PTPRG: variants seen among roughly 807,000 people sequenced by gnomAD.
PTPRG encodes the protein receptor-type tyrosine-protein phosphatase gamma.
A neutral mutation model predicts 165.3 loss-of-function variants in PTPRG; 102 were observed. That is an observed-to-expected ratio of 0.62 (90% CI 0.53 to 0.73). The LOEUF (loss-of-function observed/expected upper bound fraction) is 0.73. Among genes scored for constraint, PTPRG ranks in the 30% least tolerant of loss-of-function variants. The pLI is 0.00. For missense variants in PTPRG, 1,866 were observed against 1,861.4 expected (o/e 1.00, Z -0.05); for synonymous variants, 675 against 669.5 (o/e 1.01, Z -0.13).
chr3:62,087,114 A>G (rs1174052968), intron 5 of PTPRG, among the ~76,000 whole-genome samples: 3 of 152,222 alleles, frequency 2.0e-5, no homozygotes, highest in African/African-American at 4.8e-5. Flanking sequence ...AAGTCACAGA[A>G]TGTGATTTTC....
At chr3:61,909,563 C>T (rs1575774917) in intron 2 of PTPRG, among the ~76,000 whole-genome samples, 1 of 152,098 alleles carries the variant, frequency 6.6e-6, no homozygotes, top group African/African-American at 2.4e-5. Context: ...GTTTCCTAGG[C>T]TCGTCTTGAG....
chr3:62,000,322 T>C (rs1403275240), intron 3 of PTPRG, among the ~76,000 whole-genome samples: 1 of 148,450 alleles, frequency 6.7e-6, no homozygotes, highest in Non-Finnish European at 1.5e-5. Context: ...TTTGATAGAC[T>C]CCAAATGGTA....
chr3:61,976,943 T>G (rs2040522405), intron 2 of PTPRG, among the ~76,000 whole-genome samples: 1 of 152,180 alleles, frequency 6.6e-6, no homozygotes, highest in South Asian at 2.1e-4. Flanking sequence ...CCCAAAGTGC[T>G]GCAATTACAG....
At chr3:61,581,730 C>T (rs1700300699) in intron 1 of PTPRG, among the ~76,000 whole-genome samples, 1 of 151,508 alleles carries the variant, frequency 6.6e-6, no homozygotes. Flanking sequence ...ATGCCTCAGT[C>T]TCCCAAGTAG....
intron 7 of PTPRG, among the ~76,000 whole-genome samples, chr3:62,158,804 C>G (rs551402727): frequency 6.6e-6 from 1 of 152,036 alleles, no homozygotes; most frequent in Non-Finnish European, 1.5e-5. Context: ...TTTAATCTGA[C>G]CCTGACAATA....
At chr3:62,172,472 G>T (rs1479706159) in intron 8 of PTPRG, among the ~76,000 whole-genome samples, 2 of 152,158 alleles carry the variant, frequency 1.3e-5, no homozygotes, top group Non-Finnish European at 2.9e-5. Context: ...TCAGTTTATA[G>T]TTCTGATTTC....
At chr3:62,038,811 T>G (rs1700032594) in intron 4 of PTPRG, among the ~76,000 whole-genome samples, 1 of 152,212 alleles carries the variant, frequency 6.6e-6, no homozygotes, top group East Asian at 1.9e-4. Flanking sequence ...TTTTTTAATT[T>G]ATTTTAACTT....
chr3:61,726,883 T>C (rs961202931), intron 1 of PTPRG, among the ~76,000 whole-genome samples: 2 of 152,106 alleles, frequency 1.3e-5, no homozygotes, highest in Non-Finnish European at 2.9e-5. Context: ...CCGTCTCTAC[T>C]GAAAATACAA....
intron 4 of PTPRG, among the ~76,000 whole-genome samples, chr3:62,031,422 G>C (rs1255025720): frequency 6.6e-6 from 1 of 152,216 alleles, no homozygotes; most frequent in Non-Finnish European, 1.5e-5. Flanking sequence ...CACATTTGCA[G>C]AAGTCTCGGA....
chr3:61,744,180 T>A (rs2033107380), intron 1 of PTPRG, among the ~76,000 whole-genome samples: 1 of 152,238 alleles, frequency 6.6e-6, no homozygotes. Flanking sequence ...ACTCTATATA[T>A]ACTTTTTGAC....
At chr3:62,072,727 C>G (rs1209491721) in intron 4 of PTPRG, among the ~76,000 whole-genome samples, 1 of 151,964 alleles carries the variant, frequency 6.6e-6, no homozygotes, top group African/African-American at 2.4e-5. Flanking sequence ...AGGATTGATT[C>G]AACTTTCCTT....
intron 2 of PTPRG, among the ~76,000 whole-genome samples, chr3:61,880,821 G>A (rs2037867515): frequency 6.6e-6 from 1 of 152,104 alleles, no homozygotes; most frequent in Admixed American, 6.5e-5. Flanking sequence ...CGGTAACGTG[G>A]ATTAGCATTC....
intron 10 of PTPRG, among the ~76,000 whole-genome samples, chr3:62,199,075 T>G (rs748129686): frequency 6.6e-6 from 1 of 152,218 alleles, no homozygotes; most frequent in African/African-American, 2.4e-5. Flanking sequence ...GTTCAGTTTG[T>G]TGGCATTAAA....
rs2106881097 is a variant in PTPRG at position 61,741,352 on chromosome 3, A to G, written c.86-7526A>G. ...CTTATGTTTTGGCAGTATATCTGGGAGAAGAACTAGGACTCTGTATATGAG... is the reference window on the plus strand; with the variant it reads ...CTTATGTTTTGGCAGTATATCTGGGGGAAGAACTAGGACTCTGTATATGAG... On this transcript the variant is annotated intron_variant, in intron 1 of 29. Transcript: ENST00000474889. Among the ~76,000 whole-genome samples the G allele has an allele frequency of 5.3e-5, 8 of 152,302 alleles. 1 individual carries two copies. The Middle Eastern group carries it at 0.014, about 259-fold the overall frequency.
chr3:62,293,037 A>G (rs1702956547), intron 29 of PTPRG, 124 bp from the exon 30 acceptor site: 2 of 791,892 alleles, frequency 2.5e-6, no homozygotes, highest in African/African-American at 1.8e-5. Flanking sequence ...TTTTTAGATA[A>G]CATTTATGCT....
In PTPRG at chr3:61,686,815, A is replaced by C. The variant is rs145521534; in HGVS notation, c.86-62063A>C. ...CTTGTTAATCAGGTGGGGGAAAAGC[A>C]GGGCGTACAACGGTATTTAGTTAAA... On this transcript the variant is annotated intron_variant, in intron 1 of 29. Transcript: ENST00000474889. Among the ~76,000 whole-genome samples the C allele has an allele frequency of 1.8e-3, 278 of 152,284 alleles. 5 individuals are homozygous for C. The highest frequency in any genetic ancestry group is 6.4e-3 in the African/African-American group (267 of 41,560).
At chr3:62,089,336 C>T (rs534354540) in intron 5 of PTPRG, among the ~76,000 whole-genome samples, 2 of 152,116 alleles carry the variant, frequency 1.3e-5, no homozygotes, top group East Asian at 1.9e-4. Flanking sequence ...TTTATTTGTC[C>T]GTGTGAGACT....
chr3:61,575,996 C>T (rs562292175), intron 1 of PTPRG, among the ~76,000 whole-genome samples: 2 of 152,316 alleles, frequency 1.3e-5, no homozygotes, highest in African/African-American at 4.8e-5. Flanking sequence ...TGCCTAAACA[C>T]GCTCTCAACG....
At chr3:62,136,011 C>G (rs1247578779) in intron 6 of PTPRG, among the ~76,000 whole-genome samples, 1 of 152,190 alleles carries the variant, frequency 6.6e-6, no homozygotes, top group African/African-American at 2.4e-5. Flanking sequence ...CTGCTGCAGG[C>G]TGTCAGTTCA....
Sources: allele counts gnomAD v4.1 joint callset (sites outside exome capture counted in the v4.1 genomes callset), GRCh38; gene constraint gnomAD v4.1.1; transcripts MANE v1.5; gene names NCBI Gene and HGNC (gene_info 2026-07-23, HGNC 2026-07-21).